GALNT7: variants seen among roughly 807,000 people sequenced by gnomAD.
GALNT7 encodes the protein N-acetylgalactosaminyltransferase 7.
In GALNT7, 60 loss-of-function variants were observed where a neutral mutation model predicts 82.1. That is an observed-to-expected ratio of 0.73 (90% CI 0.59 to 0.91). The LOEUF is 0.91. Ranked by LOEUF, GALNT7 falls within the 40% of genes least tolerant of loss-of-function variation. GALNT7 has a pLI of 0.00. For synonymous variants in GALNT7, 243 were observed against 275.1 expected, an observed-to-expected ratio of 0.88 and a Z score of 1.15; for missense variants, 660 against 804.2, an observed-to-expected ratio of 0.82 and a Z score of 2.17.
chr4:173,275,157 G>A (rs965208331), intron 2 of GALNT7, among the ~76,000 whole-genome samples: 1 of 152,180 alleles, frequency 6.6e-6, no homozygotes, highest in Non-Finnish European at 1.5e-5. Context: ...GAGCATCAGG[G>A]GATGGCTGAG....
intron 1 of GALNT7, among the ~76,000 whole-genome samples, chr4:173,177,613 T>C (rs1169012432): frequency 6.6e-6 from 1 of 152,164 alleles, no homozygotes; most frequent in East Asian, 1.9e-4. Context: ...TTAGACGATA[T>C]TGCCTAACCG....
At chr4:173,175,171 T>C (rs756730985) in intron 1 of GALNT7, among the ~76,000 whole-genome samples, 3 of 152,266 alleles carry the variant, frequency 2.0e-5, no homozygotes, top group Non-Finnish European at 2.9e-5. Flanking sequence ...ATTTTGAATT[T>C]CGATTCTCAT....
At chr4:173,275,561 A>G (rs1735875011) in intron 2 of GALNT7, among the ~76,000 whole-genome samples, 1 of 152,194 alleles carries the variant, frequency 6.6e-6, no homozygotes, top group Non-Finnish European at 1.5e-5. Context: ...TCTTTGTTTC[A>G]TGAGCTACGT....
Position 173,168,911 on chromosome 4 carries a change from T to G in GALNT7, c.76T>G (p.Ser26Ala). The G allele has an allele frequency of 3.1e-6, 5 of 1,613,686 alleles. No homozygotes were observed. The highest frequency in any genetic ancestry group is 3.4e-6 in the Non-Finnish European group (4 of 1,179,768). ...CTTCCTGGGGCTAGTGGTCCTCTGG[T>G]CTTCCCTGACCCCGCGGCCGGACGA... ...GSFLGLVVLW[S>A]SLTPRPDDPS... Residue 26 changes from serine to alanine, a missense_variant, in exon 1 of 12, where the codon TCT becomes GCT. Transcript: ENST00000265000.
chr4:173,288,519 G>A (rs957723226), intron 2 of GALNT7, among the ~76,000 whole-genome samples: 4 of 151,916 alleles, frequency 2.6e-5, no homozygotes, highest in African/African-American at 7.3e-5. Context: ...TGAGATGTTA[G>A]GTAAAAACTC....
At chr4:173,294,040 T>C (rs373812466) in intron 3 of GALNT7, among the ~76,000 whole-genome samples, 36 of 152,316 alleles carry the variant, frequency 2.4e-4, no homozygotes, top group African/African-American at 8.4e-4. Flanking sequence ...CTTAACACAG[T>C]GTACCACAGT....
chr4:173,205,403 G>A (rs1733054772), intron 1 of GALNT7, among the ~76,000 whole-genome samples: 1 of 151,996 alleles, frequency 6.6e-6, no homozygotes, highest in Non-Finnish European at 1.5e-5. Flanking sequence ...CATGGGTCCA[G>A]CTTGTCAGCA....
At chr4:173,223,595 C>G (rs182387775) in intron 1 of GALNT7, among the ~76,000 whole-genome samples, 92 of 151,924 alleles carry the variant, frequency 6.1e-4, no homozygotes, top group Non-Finnish European at 2.2e-4. Flanking sequence ...ACCCCCACCC[C>G]CCGCAGTCCA....
At chr4:173,316,320 C>T (rs749944154) in intron 9 of GALNT7, 1 of 152,434 alleles carries the variant, frequency 6.6e-6, no homozygotes, top group Non-Finnish European at 1.5e-5. Flanking sequence ...AGCTCTCACA[C>T]CTCCTTCAAG....
In GALNT7 at chr4:173,264,879, G is replaced by C. The variant is rs942081867; in HGVS notation, c.587+16439G>C. ...ATTGCCTCTTCCTGCATCCTGGAGG[G>C]GGGAGTGGCTTCACAGCCCTTGGGC... is the stretch of plus-strand genomic sequence containing the variant. On this transcript the variant is annotated intron_variant, in intron 2 of 11. Transcript: ENST00000265000. Among the ~76,000 whole-genome samples, 5 of 152,208 alleles carry C rather than the reference G, an allele frequency of 3.3e-5. No individual in the cohort carries two copies. In the East Asian group the frequency reaches 5.8e-4, roughly 18 times the overall value.
At chr4:173,259,266 T>C (rs1270010237) in intron 2 of GALNT7, among the ~76,000 whole-genome samples, 2 of 152,214 alleles carry the variant, frequency 1.3e-5, no homozygotes. Flanking sequence ...GACAAATAGA[T>C]AGGAAGACTT....
intron 2 of GALNT7, among the ~76,000 whole-genome samples, chr4:173,279,019 TA>T (rs931636709): frequency 2.6e-5 from 4 of 152,172 alleles, no homozygotes; most frequent in African/African-American, 9.7e-5. Flanking sequence ...AACACTTGGG[TA>T]AAATTCACTC....
intron 1 of GALNT7, among the ~76,000 whole-genome samples, chr4:173,179,945 T>C (rs183740794): frequency 1.3e-5 from 2 of 152,334 alleles, no homozygotes; most frequent in East Asian, 3.9e-4. Context: ...AAATATTTTA[T>C]ATACTTTTTA....
intron 2 of GALNT7, among the ~76,000 whole-genome samples, chr4:173,254,018 T>C (rs1370415701): frequency 6.6e-6 from 1 of 152,246 alleles, no homozygotes; most frequent in Non-Finnish European, 1.5e-5. Flanking sequence ...TTTTGACTTA[T>C]TGAATGAATT....
Position 173,317,620 on chromosome 4 carries a change from A to G in GALNT7, c.1609-14A>G. 2 of 1,524,650 alleles carry G rather than the reference A, an allele frequency of 1.3e-6. No individual in the cohort carries two copies. The highest frequency in any genetic ancestry group is 2.3e-5 in the East Asian group (1 of 44,422). The allele number at this position is 1,524,650 out of a possible 1,614,324, so 94.4% of individuals were successfully genotyped here. ...ACTGTTGCCTGCTTTTTGCGTCTTT[A>G]TTCATTTTTTTAGATCAGAGGCTTC... On this transcript the variant is annotated splice_polypyrimidine_tract_variant and intron_variant, in intron 9 of 11. Transcript: ENST00000265000.
chr4:173,170,317 C>T (rs565633753), intron 1 of GALNT7, among the ~76,000 whole-genome samples: 1 of 152,326 alleles, frequency 6.6e-6, no homozygotes, highest in East Asian at 1.9e-4. Flanking sequence ...ATGAGCATCG[C>T]TTCTATGTCA....
At chr4:173,313,588 AAAAG>A (rs1202242821) in intron 8 of GALNT7, among the ~76,000 whole-genome samples, 8 of 150,720 alleles carry the variant, frequency 5.3e-5, no homozygotes, top group Non-Finnish European at 1.0e-4. Context: ...AAAAAAAAAG[AAAAG>A]AAAAGAAAGA....
chr4:173,169,733 C>G (rs977955454), intron 1 of GALNT7: 3 of 152,140 alleles, frequency 2.0e-5, no homozygotes, highest in African/African-American at 7.2e-5. Context: ...CGCCCCCAGC[C>G]CTCAGCGCCT....
At chr4:173,195,905 C>T (rs1030634347) in intron 1 of GALNT7, among the ~76,000 whole-genome samples, 1 of 152,112 alleles carries the variant, frequency 6.6e-6, no homozygotes, top group East Asian at 1.9e-4. Flanking sequence ...TAAAACATGC[C>T]TCTTATTAAT....
Sources: allele counts gnomAD v4.1 joint callset (sites outside exome capture counted in the v4.1 genomes callset), GRCh38; gene constraint gnomAD v4.1.1; transcripts MANE v1.5; gene names NCBI Gene and HGNC (gene_info 2026-07-23, HGNC 2026-07-21).